The following HSD17B11 variants were observed in gnomAD, a reference collection of about 807,000 sequenced individuals.
HSD17B11 encodes the protein estradiol 17-beta-dehydrogenase 11.
In HSD17B11, 22 loss-of-function variants were observed where a neutral mutation model predicts 27.8. The observed-to-expected ratio is 0.79, with a 90% CI of 0.56 to 1.13. The LOEUF is 1.13. Among genes scored for constraint, HSD17B11 ranks in the 50% most tolerant of loss-of-function variants. The pLI is 0.00. For synonymous variants in HSD17B11, 117 were observed against 132.8 expected (o/e 0.88, Z 0.82); for missense variants, 314 against 351.1 (o/e 0.89, Z 0.84).
chr4:87,341,345 T>C (rs983722545), intron 5 of HSD17B11, among the ~76,000 whole-genome samples: 1 of 152,138 alleles, frequency 6.6e-6, no homozygotes, highest in Non-Finnish European at 1.5e-5. Flanking sequence ...CTATTTTTTG[T>C]ATTTTTAGTA....
chr4:87,389,375 A>G (rs576132493), intron 1 of HSD17B11, among the ~76,000 whole-genome samples: 7 of 152,240 alleles, frequency 4.6e-5, no homozygotes, highest in Admixed American at 4.6e-4. Context: ...AGTACACGCC[A>G]CCACGCTCAA....
intron 1 of HSD17B11, among the ~76,000 whole-genome samples, chr4:87,384,264 A>G (rs1720247235): frequency 6.6e-6 from 1 of 152,226 alleles, no homozygotes; most frequent in East Asian, 1.9e-4. Flanking sequence ...TGTTATCTTC[A>G]TAAGCTGAGG....
In HSD17B11 at chr4:87,379,636, ATAT is replaced by A. The variant is rs1288492243; in HGVS notation, c.318+2616_318+2618del. Among the ~76,000 whole-genome samples the A allele has an allele frequency of 3.5e-3, 514 of 145,394 alleles. 2 individuals are homozygous for A. Among genetic ancestry groups the A allele is most frequent in the African/African-American group, 0.012 (497 of 39,906 alleles). ...TATACATATATGTATTATATTACAC[ATAT>A]TATATGTATATGTATGTATATTATA... On this transcript the variant is annotated intron_variant, in intron 2 of 6. Coordinates refer to ENST00000358290, the MANE Select transcript of HSD17B11 (RefSeq NM_016245.5).
chr4:87,380,433 A>G (rs1053817643), intron 2 of HSD17B11, among the ~76,000 whole-genome samples: 2 of 145,796 alleles, frequency 1.4e-5, no homozygotes, highest in African/African-American at 5.0e-5. Context: ...AGATCACACC[A>G]CTACACTGCA....
At chr4:87,377,160 A>T (rs1191685474) in intron 2 of HSD17B11, among the ~76,000 whole-genome samples, 1 of 151,636 alleles carries the variant, frequency 6.6e-6, no homozygotes, top group Non-Finnish European at 1.5e-5. Context: ...TTAAAAAAAG[A>T]CTATTTGTAG....
chr4:87,361,692 G>A (rs564135511), intron 4 of HSD17B11, among the ~76,000 whole-genome samples: 7 of 152,300 alleles, frequency 4.6e-5, no homozygotes, highest in Non-Finnish European at 1.0e-4. Context: ...GCGTGAACCC[G>A]GGAGGCGGAG....
chr4:87,380,145 T>C (rs188232546), intron 2 of HSD17B11, among the ~76,000 whole-genome samples: 10 of 144,668 alleles, frequency 6.9e-5, no homozygotes, highest in Admixed American at 2.8e-4. Flanking sequence ...AAAATGATAC[T>C]AAAATGGCCA....
Position 87,378,833 on chromosome 4 carries a change from T to TATATATATAA in HSD17B11, c.318+3421_318+3422insTTATATATAT, listed in dbSNP as rs1560768968. On this transcript the variant is annotated intron_variant, in intron 2 of 6. Transcript: ENST00000358290. ...TATAAATATAAAATATATATATAAA[T>TATATATATAA]ATATATATATAAATATATATATAAA... Among the ~76,000 whole-genome samples, 21 of 15,724 alleles carry TATATATATAA rather than the reference T, an allele frequency of 1.3e-3. 3 individuals are homozygous for TATATATATAA. The highest frequency in any genetic ancestry group is 4.0e-3 in the African/African-American group (10 of 2,506). The allele number at this position is 15,724 out of a possible 152,430, so 10.3% of individuals were successfully genotyped here.
At chr4:87,390,791 T>C (rs1034437789) in intron 1 of HSD17B11, 70 bp downstream of exon 1, 4 of 1,394,272 alleles carry the variant, frequency 2.9e-6, no homozygotes, top group Admixed American at 3.4e-5. Context: ...TAAAGGGTGG[T>C]TGCCAGCAAA....
At chr4:87,346,026 T>C (rs955063490) in intron 5 of HSD17B11, among the ~76,000 whole-genome samples, 1 of 152,142 alleles carries the variant, frequency 6.6e-6, no homozygotes, top group Non-Finnish European at 1.5e-5. Context: ...GGAATATAGA[T>C]GCAAAAATTC....
At chr4:87,354,687 C>T (rs1044336669) in intron 5 of HSD17B11, among the ~76,000 whole-genome samples, 1 of 151,056 alleles carries the variant, frequency 6.6e-6, no homozygotes, top group African/African-American at 2.4e-5. Context: ...TTAGAATCTT[C>T]AATTTTACCT....
chr4:87,364,559 C>T (rs1392668585), intron 4 of HSD17B11, among the ~76,000 whole-genome samples: 2 of 152,148 alleles, frequency 1.3e-5, no homozygotes, highest in African/African-American at 4.8e-5. Flanking sequence ...TCTAGGCCAC[C>T]TGGAAGATAA....
intron 1 of HSD17B11, among the ~76,000 whole-genome samples, chr4:87,384,804 T>C (rs530341087): frequency 6.8e-6 from 1 of 147,252 alleles, no homozygotes; most frequent in Non-Finnish European, 1.5e-5. Flanking sequence ...TAGACCCTTA[T>C]CAGTAGTTCT....
chr4:87,377,854 T>C (rs984860042), intron 2 of HSD17B11, among the ~76,000 whole-genome samples: 6 of 152,228 alleles, frequency 3.9e-5, no homozygotes, highest in Non-Finnish European at 7.3e-5. Flanking sequence ...GCTTTTACTT[T>C]GTTATGCATT....
chr4:87,339,409 T>G (rs566322295), intron 6 of HSD17B11, among the ~76,000 whole-genome samples: 1 of 152,388 alleles, frequency 6.6e-6, no homozygotes, highest in South Asian at 2.1e-4. Context: ...TCTGGACCAC[T>G]GTCTGTGGCA....
intron 4 of HSD17B11, among the ~76,000 whole-genome samples, chr4:87,358,071 C>A (rs180891912): frequency 0.052 from 7,754 of 149,612 alleles, 684 homozygotes; most frequent in African/African-American, 0.18. Context: ...CCGCCATTCT[C>A]CTGCCTCAGC....
At chr4:87,374,196 C>T (rs1390173874) in intron 3 of HSD17B11, among the ~76,000 whole-genome samples, 1 of 152,160 alleles carries the variant, frequency 6.6e-6, no homozygotes, top group Non-Finnish European at 1.5e-5. Flanking sequence ...ATGTTAATGC[C>T]TGTAGTCCCA....
intron 5 of HSD17B11, among the ~76,000 whole-genome samples, chr4:87,346,088 G>T (rs971188236): frequency 1.3e-5 from 2 of 152,048 alleles, no homozygotes; most frequent in African/African-American, 4.8e-5. Context: ...ATAACTACAT[G>T]CCATTATCCC....
chr4:87,337,501 A>G (rs1735075821), intron 6 of HSD17B11, 135 bp from the exon 7 acceptor site: 1 of 597,518 alleles, frequency 1.7e-6, no homozygotes, highest in South Asian at 2.2e-5. Context: ...CTTAAATCTG[A>G]GTCACTACTA....
Sources: gnomAD v4.1 joint callset for allele counts (sites outside exome capture counted in the v4.1 genomes callset) on GRCh38, gnomAD v4.1.1 for gene constraint, MANE v1.5 for transcripts, NCBI Gene and HGNC (gene_info 2026-07-23, HGNC 2026-07-21) for gene names.